Variants in IQSEC1 observed in about 807,000 individuals in gnomAD.
The protein encoded by IQSEC1 is IQ motif and Sec7 domain ArfGEF 1.
A neutral mutation model predicts 91.0 loss-of-function variants in IQSEC1; 31 were observed. The ratio of observed to expected loss-of-function variants is 0.34; its 90% CI spans 0.26 to 0.46. The LOEUF (loss-of-function observed/expected upper bound fraction) is 0.46, where lower values mean the gene tolerates loss of function less well. Among genes scored for constraint, IQSEC1 ranks in the 20% least tolerant of loss-of-function variants. The probability of loss-of-function intolerance (pLI) is 1.00; values close to 1 mark genes in which losing one functional copy is unlikely to be tolerated. For missense variants in IQSEC1, 1,388 were observed against 1,575.6 expected (o/e 0.88, Z 2.02); for synonymous variants, 699 against 662.6 (o/e 1.05, Z -0.84).
At chr3:13,052,882 A>G (rs1704740856) in intron 1 of IQSEC1, 3 of 729,938 alleles carry the variant, frequency 4.1e-6, no homozygotes, top group Non-Finnish European at 7.4e-6. Context: ...CTCTCCAGAT[A>G]GTGGTGACAT....
chr3:13,181,258 G>C (rs887410593), intron 1 of IQSEC1, among the ~76,000 whole-genome samples: 1 of 152,200 alleles, frequency 6.6e-6, no homozygotes, highest in African/African-American at 2.4e-5. Flanking sequence ...GCGACAGAGC[G>C]AGACTCCGTC....
At chr3:12,990,184 C>G (rs1272143570) in intron 1 of IQSEC1, among the ~76,000 whole-genome samples, 4 of 152,222 alleles carry the variant, frequency 2.6e-5, no homozygotes, top group Non-Finnish European at 5.9e-5. Context: ...GTCCTTGGAT[C>G]ACTGAAAAAA....
chr3:12,947,653 G>A (rs903781650), intron 1 of IQSEC1, among the ~76,000 whole-genome samples: 1 of 152,186 alleles, frequency 6.6e-6, no homozygotes, highest in Non-Finnish European at 1.5e-5. Flanking sequence ...GTCCTGGATG[G>A]GCCCCTGGTG....
rs1419411321 is a variant in IQSEC1 at position 12,967,656 on chromosome 3, C to T, written c.24-25791G>A. 4.2e-6 allele frequency: 5 copies of T among 1,191,296 alleles called. No homozygotes were observed. Among genetic ancestry groups the T allele is most frequent in the Non-Finnish European group, 5.2e-6 (5 of 963,362 alleles). The allele number at this position is 1,191,296 out of a possible 1,614,324, so 73.8% of individuals were successfully genotyped here. ...CCGGCCCCAAGTCCGAGCCCCAGGC[C>T]AGCCAAGCCCGCCCCTCCGCCGCCG... On this transcript the variant is annotated intron_variant, in intron 1 of 13. Coordinates refer to ENST00000613206, the MANE Select transcript of IQSEC1 (RefSeq NM_001134382.3). The surrounding 1 kb of genome is among the most constrained non-coding windows in gnomAD (Gnocchi z 5.9).
chr3:13,228,122 A>C (rs1315118674), intron 1 of IQSEC1, among the ~76,000 whole-genome samples: 1 of 152,064 alleles, frequency 6.6e-6, no homozygotes, highest in South Asian at 2.1e-4. Flanking sequence ...TGGTAAATGC[A>C]CTGAAAAGTC....
At chr3:13,112,847 A>G (rs73147117) in intron 2 of IQSEC1, among the ~76,000 whole-genome samples, 1,989 of 152,338 alleles carry the variant, frequency 0.013, 50 homozygotes, top group African/African-American at 0.044. Flanking sequence ...CACGAGTGGA[A>G]GCCACCACTG....
chr3:13,056,255 T>C (rs895356886), intron 1 of IQSEC1, among the ~76,000 whole-genome samples: 5 of 152,156 alleles, frequency 3.3e-5, no homozygotes, highest in African/African-American at 9.7e-5. Context: ...CAGTACAGGC[T>C]TGGGGGAGGG....
intron 1 of IQSEC1, among the ~76,000 whole-genome samples, chr3:13,201,058 G>A (rs1168754375): frequency 6.6e-6 from 1 of 152,140 alleles, no homozygotes; most frequent in Non-Finnish European, 1.5e-5. Context: ...TCACTTTTGG[G>A]GGCACTGCCT....
At position 13,034,789 on chromosome 3, in the gene IQSEC1, A is replaced by G. The variant is rs1703973985; in HGVS notation, c.23+38203T>C. Among the ~76,000 whole-genome samples, 4 of 152,196 alleles carry G rather than the reference A, an allele frequency of 2.6e-5. No homozygotes were observed. The South Asian group carries it at 6.2e-4, about 24-fold the overall frequency. On this transcript the variant is annotated intron_variant, in intron 1 of 13. Transcript: ENST00000613206. ...ACCCTCTGGGGTATTTCTCACCTGC[A>G]CCGGCTCCTGAATCTCACCAGCCCA...
chr3:13,247,278 C>T (rs951440143), intron 1 of IQSEC1, among the ~76,000 whole-genome samples: 10 of 152,300 alleles, frequency 6.6e-5, no homozygotes, highest in Admixed American at 2.0e-4. Flanking sequence ...ACCCCCAGGA[C>T]GTGCTGGGAT....
chr3:13,097,573 G>A (rs941121846), intron 2 of IQSEC1, among the ~76,000 whole-genome samples: 7 of 152,140 alleles, frequency 4.6e-5, no homozygotes, highest in African/African-American at 7.2e-5. Flanking sequence ...CTCTGCAGCC[G>A]CCAGCCCCCA....
chr3:12,918,677 C>T (rs1271923269), intron 6 of IQSEC1, among the ~76,000 whole-genome samples: 1 of 152,032 alleles, frequency 6.6e-6, no homozygotes, highest in Non-Finnish European at 1.5e-5. Flanking sequence ...TAAAAATTAG[C>T]CGGGCATGGC....
chr3:13,197,299 G>T (rs1261365277), intron 1 of IQSEC1, among the ~76,000 whole-genome samples: 1 of 152,222 alleles, frequency 6.6e-6, no homozygotes, highest in Non-Finnish European at 1.5e-5. Flanking sequence ...ACAACAGCGG[G>T]AAAGAGGCAT....
At chr3:13,204,451 T>G (rs372301536) in intron 1 of IQSEC1, among the ~76,000 whole-genome samples, 342 of 152,338 alleles carry the variant, frequency 2.2e-3, no homozygotes, top group African/African-American at 6.5e-3. Flanking sequence ...CCTCCCACGG[T>G]CCAGCAAGGC....
rs529928006 is a variant in IQSEC1 at position 13,072,097 on chromosome 3, G to A, written c.23+895C>T. On this transcript the variant is annotated intron_variant, in intron 1 of 13. Transcript: ENST00000613206. ...CCAGGCCTCCTTTTCCTAGCCTTGC[G>A]ACTGAGCCCAGCTCAAGAGGACTCA... Among the ~76,000 whole-genome samples the A allele has an allele frequency of 1.4e-4, 21 of 152,338 alleles. 1 individual carries two copies. In the South Asian group the frequency reaches 4.1e-3, roughly 30 times the overall value.
chr3:13,263,426 T>TG (rs1559288960), intron 1 of IQSEC1, among the ~76,000 whole-genome samples: 3 of 101,420 alleles, frequency 3.0e-5, no homozygotes, highest in Admixed American at 1.0e-4. Flanking sequence ...ACTTTTTTTT[T>TG]TGGGGGGGGG....
intron 1 of IQSEC1, among the ~76,000 whole-genome samples, chr3:13,049,028 G>A (rs1704595973): frequency 6.6e-6 from 1 of 152,190 alleles, no homozygotes; most frequent in Non-Finnish European, 1.5e-5. Context: ...TCCTGGACTG[G>A]TCACAGTCCT....
At chr3:13,194,647 C>T (rs1694095204) in intron 1 of IQSEC1, among the ~76,000 whole-genome samples, 1 of 152,138 alleles carries the variant, frequency 6.6e-6, no homozygotes, top group Non-Finnish European at 1.5e-5. Flanking sequence ...ACCCAGAAAC[C>T]CCAGAGGAGA....
intron 1 of IQSEC1, among the ~76,000 whole-genome samples, chr3:13,212,790 C>T (rs766159322): frequency 1.3e-5 from 2 of 152,230 alleles, no homozygotes; most frequent in Non-Finnish European, 2.9e-5. Context: ...CATCTTCTCA[C>T]ATGTGTACTG....
Sources: gnomAD v4.1 joint callset for allele counts (sites outside exome capture counted in the v4.1 genomes callset) on GRCh38, gnomAD v4.1.1 for gene constraint, Gnocchi (gnomAD v3.1) non-coding constraint, MANE v1.5 for transcripts, NCBI Gene and HGNC (gene_info 2026-07-23, HGNC 2026-07-21) for gene names.